The following SCGN variants were observed in gnomAD, a reference collection of about 807,000 sequenced individuals.
The protein encoded by SCGN is secretagogin.
A neutral mutation model predicts 39.7 loss-of-function variants in SCGN; 30 were observed. That is an observed-to-expected ratio of 0.76 (90% CI 0.57 to 1.03). The LOEUF is 1.03. SCGN is among the 50% of genes least tolerant of loss of function. SCGN has a pLI of 0.00. For missense variants in SCGN, 353 were observed against 349.4 expected (o/e 1.01, Z -0.08); for synonymous variants, 106 against 114.1 (o/e 0.93, Z 0.45).
At chr6:25,673,168 T>G (rs1261518470) in intron 6 of SCGN, among the ~76,000 whole-genome samples, 3 of 152,240 alleles carry the variant, frequency 2.0e-5, no homozygotes, top group Non-Finnish European at 4.4e-5. Context: ...TCAGTGTTTC[T>G]TATGACCCTG....
chr6:25,672,325 A>G (rs1759510717), intron 6 of SCGN, among the ~76,000 whole-genome samples: 1 of 152,242 alleles, frequency 6.6e-6, no homozygotes, highest in Non-Finnish European at 1.5e-5. Context: ...ACTGACAACA[A>G]ATAATAAATG....
In SCGN at chr6:25,652,423, C is replaced by A. The variant is rs536280548; in HGVS notation, c.20C>A (p.Pro7Gln). The change falls in exon 1 of 11, where the codon CCG (proline) becomes CAG (glutamine). Residue 7 changes from proline to glutamine, a missense_variant. By Grantham distance (76) the Pro-to-Gln change is moderately conservative. Transcript: ENST00000377961. Reference sequence around the variant, plus strand: ...AACACCATGGACAGCTCCCGGGAACCGACTCTGGGGCGCTTGGACGCCGCT... The same window carrying A: ...AACACCATGGACAGCTCCCGGGAACAGACTCTGGGGCGCTTGGACGCCGCT... MDSSRE[P>Q]TLGRLDAAGF... 1.9e-6 allele frequency: 3 copies of A among 1,614,006 alleles called. No homozygotes were observed. The African/African-American group carries it at 4.0e-5, about 22-fold the overall frequency.
chr6:25,682,068 C>T (rs1759644080), intron 7 of SCGN, 62 bp downstream of exon 7: 1 of 1,263,442 alleles, frequency 7.9e-7, no homozygotes, highest in East Asian at 2.3e-5. Flanking sequence ...CTGATGACAT[C>T]ATATATTTCC....
chr6:25,670,517 T>C (rs112379743), intron 6 of SCGN, among the ~76,000 whole-genome samples: 5 of 152,364 alleles, frequency 3.3e-5, no homozygotes, highest in African/African-American at 1.2e-4. Flanking sequence ...ATGCATGTCC[T>C]ACCTCTGCCA....
intron 7 of SCGN, among the ~76,000 whole-genome samples, chr6:25,684,107 G>A (rs2151381393): frequency 6.6e-6 from 1 of 152,234 alleles, no homozygotes; most frequent in South Asian, 2.1e-4. Context: ...AACTAATAGG[G>A]CCTTCTGCAT....
At chr6:25,689,360 G>A in intron 8 of SCGN, 113 bp from the exon 9 acceptor site, 1 of 1,168,064 alleles carries the variant, frequency 8.6e-7, no homozygotes, top group Non-Finnish European at 1.3e-6. Flanking sequence ...TGGAATCAAG[G>A]GATCTTAAAG....
At position 25,701,498 on chromosome 6, in the gene SCGN, C is replaced by A; in HGVS notation, c.*163C>A. 1.3e-6 allele frequency: 1 copy of A among 759,936 alleles called. No individual in the cohort carries two copies. Among genetic ancestry groups the A allele is most frequent in the Non-Finnish European group, 2.1e-6 (1 of 487,156 alleles). 47.1% of individuals were successfully genotyped at this position (759,936 alleles called of 1,614,324 possible). Reference sequence around the variant, plus strand: ...AGGGCCTTCCTTCCACCGGCGTGATCTATCCCTGTCTCACTGAAAGCCCCT... The same window carrying A: ...AGGGCCTTCCTTCCACCGGCGTGATATATCCCTGTCTCACTGAAAGCCCCT... On this transcript the variant is annotated 3_prime_UTR_variant, in exon 11 of 11. Coordinates refer to ENST00000377961, the MANE Select transcript of SCGN (RefSeq NM_006998.4).
chr6:25,673,771 T>C (rs1490446031), intron 6 of SCGN, among the ~76,000 whole-genome samples: 2 of 152,206 alleles, frequency 1.3e-5, no homozygotes, highest in Non-Finnish European at 2.9e-5. Context: ...GGCCCCTGTG[T>C]TAGGCCATTC....
chr6:25,684,641 A>G (rs953203385), intron 7 of SCGN, among the ~76,000 whole-genome samples: 4 of 152,134 alleles, frequency 2.6e-5, no homozygotes, highest in African/African-American at 9.7e-5. Context: ...TAAAAATACA[A>G]AAAATAAAAT....
At chr6:25,692,572 CCTT>C (rs1759786256) in intron 10 of SCGN, among the ~76,000 whole-genome samples, 2 of 152,192 alleles carry the variant, frequency 1.3e-5, no homozygotes, top group Non-Finnish European at 1.5e-5. Context: ...AATCAACCTC[CCTT>C]CTTCTTTGCT....
chr6:25,688,211 T>G (rs1043357521), intron 7 of SCGN, among the ~76,000 whole-genome samples: 1 of 152,224 alleles, frequency 6.6e-6, no homozygotes, highest in Non-Finnish European at 1.5e-5. Flanking sequence ...CTAGTGTCCT[T>G]TAATTTCAGC....
intron 6 of SCGN, among the ~76,000 whole-genome samples, chr6:25,676,048 A>G (rs1190025506): frequency 2.0e-5 from 3 of 152,172 alleles, no homozygotes; most frequent in Non-Finnish European, 2.9e-5. Flanking sequence ...GGTCTTCCTC[A>G]AGCTTTCAAG....
At chr6:25,699,605 A>G (rs895814711) in intron 10 of SCGN, among the ~76,000 whole-genome samples, 3 of 151,712 alleles carry the variant, frequency 2.0e-5, no homozygotes, top group Non-Finnish European at 4.4e-5. Flanking sequence ...AAAAAAAAAA[A>G]AAAAAGAAAA....
intron 6 of SCGN, among the ~76,000 whole-genome samples, chr6:25,675,847 T>C (rs1256547483): frequency 6.6e-6 from 1 of 152,252 alleles, no homozygotes; most frequent in Admixed American, 6.5e-5. Context: ...TGATCTCAAC[T>C]AGTCTCACGG....
At chr6:25,661,709 C>A in intron 3 of SCGN, 65 bp downstream of exon 3, 1 of 1,056,268 alleles carries the variant, frequency 9.5e-7, no homozygotes, top group Non-Finnish European at 1.5e-6. Flanking sequence ...TTTACTTTAT[C>A]GTCTTGGGCT....
At chr6:25,676,423 T>A (rs1246198011) in intron 6 of SCGN, among the ~76,000 whole-genome samples, 1 of 152,228 alleles carries the variant, frequency 6.6e-6, no homozygotes, top group Non-Finnish European at 1.5e-5. Context: ...CCTTATCTCC[T>A]TTTATCTCCT....
At chr6:25,699,589 C>CAAAAAAA (rs35915067) in intron 10 of SCGN, among the ~76,000 whole-genome samples, 5 of 53,796 alleles carry the variant, frequency 9.3e-5, no homozygotes, top group African/African-American at 2.7e-4. Flanking sequence ...AACTCTGTCT[C>CAAAAAAA]AAAAAAAAAA....
chr6:25,662,713 T>G (rs1488525314), intron 3 of SCGN, among the ~76,000 whole-genome samples: 2 of 152,224 alleles, frequency 1.3e-5, no homozygotes, highest in Admixed American at 1.3e-4. Flanking sequence ...TCTAGATTTA[T>G]GAGTGTAGCT....
chr6:25,670,103 T>A (rs1255484057), intron 6 of SCGN, 27 bp downstream of exon 6: 1 of 1,496,098 alleles, frequency 6.7e-7, no homozygotes, highest in South Asian at 1.1e-5. Flanking sequence ...GTAATCTCCA[T>A]GAGGGCAGCT....
Sources: allele counts gnomAD v4.1 joint callset (sites outside exome capture counted in the v4.1 genomes callset), GRCh38; gene constraint gnomAD v4.1.1; transcripts MANE v1.5; gene names NCBI Gene and HGNC (gene_info 2026-07-23, HGNC 2026-07-21).